The following PI4KA variants were observed in gnomAD, a reference collection of about 807,000 sequenced individuals.
PI4KA encodes the protein phosphatidylinositol 4-kinase alpha.
Under a neutral mutation model 271.4 loss-of-function variants are expected in PI4KA, and 122 were observed. The ratio of observed to expected loss-of-function variants is 0.45; its 90% CI spans 0.39 to 0.52. The LOEUF (loss-of-function observed/expected upper bound fraction) is 0.52, where lower values mean the gene tolerates loss of function less well. Ranked by LOEUF, PI4KA falls within the 20% of genes least tolerant of loss-of-function variation. PI4KA has a pLI of 0.00. For synonymous variants in PI4KA, 1,041 were observed against 1,078.8 expected (o/e 0.96, Z 0.69); for missense variants, 1,969 against 2,769.1 (o/e 0.71, Z 6.48).
chr22:20,761,012 C>T (rs1439207694), intron 23 of PI4KA, among the ~76,000 whole-genome samples: 1 of 152,210 alleles, frequency 6.6e-6, no homozygotes, highest in Non-Finnish European at 1.5e-5. Flanking sequence ...CAAGTTGCTG[C>T]AGGTCCATCA....
rs148209475 is a variant in PI4KA at position 20,813,487 on chromosome 22, C to T, written c.876G>A (p.Gly292=). ...AGTAGTACTCAGGCTCTAGGGCAGT[C>T]CCATCGGGCAAGCAGGAGGCTGGTG... ...HYFEASCLPD[G]TALEPEYYFS... The change falls in exon 8 of 55, where the codon GGG becomes GGA. Residue 292 remains glycine (G), a synonymous_variant. Coordinates refer to ENST00000255882, the MANE Select transcript of PI4KA (RefSeq NM_058004.4). The T allele has an allele frequency of 3.0e-4, 484 of 1,613,974 alleles. 3 individuals are homozygous for T. The African/African-American group carries it at 5.7e-3, about 19-fold the overall frequency.
chr22:20,795,049 G>A (rs1395582352), intron 18 of PI4KA, among the ~76,000 whole-genome samples: 1 of 152,208 alleles, frequency 6.6e-6, no homozygotes, highest in African/African-American at 2.4e-5. Context: ...GGGGGAAGGG[G>A]AAGGAAGAAA....
At chr22:20,734,669 G>C (rs1181243743) in intron 32 of PI4KA, 116 bp from the exon 33 acceptor site, 15 of 1,086,184 alleles carry the variant, frequency 1.4e-5, no homozygotes, top group Non-Finnish European at 2.0e-5. Context: ...TAGAAACCAA[G>C]AAAAGTATGA....
intron 3 of PI4KA, among the ~76,000 whole-genome samples, chr22:20,832,479 A>G (rs906288672): frequency 9.3e-5 from 14 of 151,300 alleles, no homozygotes; most frequent in African/African-American, 3.2e-4. Flanking sequence ...TTTGAGACGG[A>G]GTCTCACTCT....
intron 1 of PI4KA, among the ~76,000 whole-genome samples, chr22:20,856,757 A>C (rs1927648640): frequency 2.6e-5 from 4 of 152,226 alleles, no homozygotes; most frequent in Admixed American, 2.6e-4. Context: ...TGACAACTGA[A>C]GCAGTTATTA....
intron 17 of PI4KA, among the ~76,000 whole-genome samples, chr22:20,797,953 C>T (rs994934326): frequency 6.6e-6 from 1 of 152,178 alleles, no homozygotes; most frequent in Non-Finnish European, 1.5e-5. Flanking sequence ...GAACATGTCC[C>T]TGTCCTCAAG....
At chr22:20,712,051 G>C (rs186670756) in intron 50 of PI4KA, among the ~76,000 whole-genome samples, 1 of 145,086 alleles carries the variant, frequency 6.9e-6, no homozygotes, top group East Asian at 2.1e-4. Flanking sequence ...CAGGTGCCCT[G>C]GTTTTTTTGT....
At chr22:20,774,202 T>G (rs150718056) in intron 19 of PI4KA, 2 of 152,202 alleles carry the variant, frequency 1.3e-5, no homozygotes, top group Non-Finnish European at 2.9e-5. Context: ...TGTTTACGGA[T>G]AGGCAACTGG....
At position 20,776,389 on chromosome 22, in the gene PI4KA, T is replaced by G. The variant is rs1933276009; in HGVS notation, c.2329-10696A>C. On this transcript the variant is annotated intron_variant, in intron 19 of 54. Transcript: ENST00000255882. Reference sequence around the variant, plus strand: ...TTTCCCGTGTGTAAACTAGTGGCACTGCAGCCTGAGGCAGGTGCTGAGATG... The same window carrying G: ...TTTCCCGTGTGTAAACTAGTGGCACGGCAGCCTGAGGCAGGTGCTGAGATG... 2.6e-5 allele frequency among the ~76,000 whole-genome samples: 4 copies of G among 152,192 alleles called. No homozygotes were observed. The South Asian group carries it at 8.3e-4, about 32-fold the overall frequency.
chr22:20,764,584 T>A, intron 22 of PI4KA: 1 of 481,356 alleles, frequency 2.1e-6, no homozygotes, highest in Non-Finnish European at 3.7e-6. Flanking sequence ...CTGTTTCCTA[T>A]CAGAGAGAAG....
At chr22:20,853,628 T>G (rs1344692253) in intron 1 of PI4KA, among the ~76,000 whole-genome samples, 1 of 152,184 alleles carries the variant, frequency 6.6e-6, no homozygotes, top group Non-Finnish European at 1.5e-5. Context: ...TGAGGTGGGT[T>G]CCAATCCTGG....
chr22:20,826,899 T>G (rs1424453189), intron 3 of PI4KA, among the ~76,000 whole-genome samples: 4 of 38,610 alleles, frequency 1.0e-4, no homozygotes, highest in African/African-American at 3.1e-4. Context: ...TTTAACGGGG[T>G]TTTTTTTTTG....
At chr22:20,857,492 G>A (rs1927744096) in intron 1 of PI4KA, among the ~76,000 whole-genome samples, 1 of 152,166 alleles carries the variant, frequency 6.6e-6, no homozygotes, top group East Asian at 1.9e-4. Flanking sequence ...CTGGTCTCCG[G>A]TCACCACTGT....
In PI4KA at chr22:20,733,824, A is replaced by G; in HGVS notation, c.4072T>C (p.Ser1358Pro). Residue 1358 changes from serine (S) to proline (P), a missense_variant, in exon 35 of 55, where the codon TCC (serine) becomes CCC (proline). Transcript: ENST00000255882. The stretch of plus-strand genomic sequence containing the variant: ...GGAACCACATCGGCATGCAGGAGGG[A>G]CAGCCCCAGGGTCAGCAGCCTGTGA... ...PRFKLLTLGL[S>P]LLHADVVPNA... is the part of the protein sequence containing the mutation. The G allele has an allele frequency of 6.2e-7, 1 of 1,612,198 alleles. No homozygotes were observed. Among genetic ancestry groups the G allele is most frequent in the Non-Finnish European group, 8.5e-7 (1 of 1,179,862 alleles).
chr22:20,784,145 A>C, intron 19 of PI4KA: 1 of 1,614,184 alleles, frequency 6.2e-7, no homozygotes, highest in Non-Finnish European at 8.5e-7. Flanking sequence ...GGGCATCAGC[A>C]TGCTAATTGT....
chr22:20,743,051 A>G, intron 30 of PI4KA: 1 of 452,674 alleles, frequency 2.2e-6, no homozygotes, highest in South Asian at 3.1e-5. Flanking sequence ...CCCAGCAGTG[A>G]GCCCGGGGTC....
intron 3 of PI4KA, among the ~76,000 whole-genome samples, chr22:20,830,487 C>A (rs539933188): frequency 6.6e-6 from 1 of 152,114 alleles, no homozygotes; most frequent in South Asian, 2.1e-4. Context: ...TTCCATTTTC[C>A]ATTTGCTTGG....
chr22:20,855,026 C>T (rs1278612306), intron 1 of PI4KA, among the ~76,000 whole-genome samples: 2 of 152,028 alleles, frequency 1.3e-5, no homozygotes, highest in Admixed American at 1.3e-4. Context: ...GTGGCAGGTG[C>T]CTGTAGTCCC....
At chr22:20,795,603 G>A (rs1247501870) in intron 18 of PI4KA, among the ~76,000 whole-genome samples, 2 of 152,172 alleles carry the variant, frequency 1.3e-5, no homozygotes, top group Non-Finnish European at 2.9e-5. Context: ...ACATGGTAGA[G>A]CGACTAGTGC....
Sources: allele counts gnomAD v4.1 joint callset (sites outside exome capture counted in the v4.1 genomes callset), GRCh38; gene constraint gnomAD v4.1.1; transcripts MANE v1.5; gene names NCBI Gene and HGNC (gene_info 2026-07-23, HGNC 2026-07-21).